Variants in GLIS3 observed in about 807,000 individuals in gnomAD.
GLIS3 encodes zinc finger protein GLIS3.
GLIS3 carries 53 observed loss-of-function variants against 78.6 expected under a neutral mutation model. The ratio of observed to expected loss-of-function variants is 0.67; its 90% CI spans 0.54 to 0.85. The LOEUF (loss-of-function observed/expected upper bound fraction) is 0.85. GLIS3 is among the 40% of genes least tolerant of loss of function. The pLI, the probability that GLIS3 is intolerant of heterozygous loss-of-function variation, is 0.00. For missense variants in GLIS3, 1,703 were observed against 1,231.1 expected, an observed-to-expected ratio of 1.38 and a Z score of -5.74; for synonymous variants, 684 against 509.9, an observed-to-expected ratio of 1.34 and a Z score of -4.60.
At chr9:4,442,995 G>C in the GLIS3 span, among the ~76,000 whole-genome samples, 1 of 152,144 alleles carries the variant, frequency 6.6e-6, no homozygotes, top group East Asian at 1.9e-4. Flanking sequence ...TGCTGGTCAA[G>C]CTGTCGAGTC....
intron 2 of GLIS3, among the ~76,000 whole-genome samples, chr9:4,326,780 G>A (rs1817606542): frequency 2.0e-5 from 3 of 152,170 alleles, no homozygotes; most frequent in South Asian, 2.1e-4. Flanking sequence ...GGAAACATAG[G>A]CTGGAAGTGC....
chr9:4,463,032 C>T, the GLIS3 span, among the ~76,000 whole-genome samples: 2 of 152,226 alleles, frequency 1.3e-5, no homozygotes, highest in South Asian at 4.1e-4. Flanking sequence ...TTTTTCTGTC[C>T]CACTGGAGAT....
intron 3 of GLIS3, chr9:4,309,056 G>C (rs796630666): frequency 2.6e-5 from 4 of 152,350 alleles, no homozygotes; most frequent in African/African-American, 7.2e-5. Context: ...GCTTAGAACA[G>C]TGGCTACCAC....
chr9:4,341,469 C>A (rs1055556047), intron 2 of GLIS3, among the ~76,000 whole-genome samples: 1 of 152,230 alleles, frequency 6.6e-6, no homozygotes, highest in African/African-American at 2.4e-5. Context: ...CATTCAAGGT[C>A]ACTGATCTCC....
chr9:3,882,042 C>G (rs1209528195), intron 7 of GLIS3, among the ~76,000 whole-genome samples: 1 of 152,182 alleles, frequency 6.6e-6, no homozygotes, highest in African/African-American at 2.4e-5. Flanking sequence ...GCAGAGTTAA[C>G]TGTGTTCTTT....
At chr9:4,358,706 G>A in the GLIS3 span, among the ~76,000 whole-genome samples, 5 of 152,162 alleles carry the variant, frequency 3.3e-5, no homozygotes, top group African/African-American at 1.2e-4. Context: ...AGAGGAATGG[G>A]CACACGTGTG....
chr9:4,166,180 C>G (rs1186650998), intron 2 of GLIS3, among the ~76,000 whole-genome samples: 1 of 152,148 alleles, frequency 6.6e-6, no homozygotes, highest in East Asian at 1.9e-4. Context: ...GACACAGTGT[C>G]GGGCTCATAT....
chr9:4,091,041 G>C (rs1433720120), intron 4 of GLIS3, among the ~76,000 whole-genome samples: 1 of 152,106 alleles, frequency 6.6e-6, no homozygotes, highest in South Asian at 2.1e-4. Context: ...TTAAGTTGTT[G>C]CAAGTAAAGT....
chr9:4,209,463 G>A (rs1357721249), intron 2 of GLIS3, among the ~76,000 whole-genome samples: 2 of 152,194 alleles, frequency 1.3e-5, no homozygotes, highest in Non-Finnish European at 2.9e-5. Flanking sequence ...CAGGTGGCAA[G>A]AGCCCATTTG....
At chr9:3,926,228 C>CTTT (rs1263149969) in intron 6 of GLIS3, among the ~76,000 whole-genome samples, 1 of 125,170 alleles carries the variant, frequency 8.0e-6, no homozygotes, top group African/African-American at 2.9e-5. Flanking sequence ...AATGCTTTTT[C>CTTT]TTTTGTTTTT....
intron 4 of GLIS3, among the ~76,000 whole-genome samples, chr9:3,956,348 G>A (rs7466983): frequency 2.0e-5 from 3 of 152,138 alleles, no homozygotes; most frequent in Non-Finnish European, 4.4e-5. Flanking sequence ...ACAACCAACC[G>A]CCATGAGTTT....
At chr9:4,423,498 C>A in the GLIS3 span, among the ~76,000 whole-genome samples, 2 of 152,102 alleles carry the variant, frequency 1.3e-5, no homozygotes, top group South Asian at 4.1e-4. Context: ...TGAAAAATGA[C>A]ACCAAAGCTC....
At chr9:3,971,103 G>A (rs1215931028) in intron 4 of GLIS3, among the ~76,000 whole-genome samples, 1 of 45,092 alleles carries the variant, frequency 2.2e-5, no homozygotes, top group Non-Finnish European at 5.2e-5. Context: ...TAGATCGAAG[G>A]AAGGAAGGAA....
intron 4 of GLIS3, among the ~76,000 whole-genome samples, chr9:4,078,733 G>A (rs1828289957): frequency 6.6e-6 from 1 of 152,180 alleles, no homozygotes; most frequent in Admixed American, 6.5e-5. Flanking sequence ...TTTCTAACAT[G>A]GCTATAAAAC....
intron 4 of GLIS3, among the ~76,000 whole-genome samples, chr9:4,028,599 C>G (rs1012695771): frequency 6.6e-6 from 1 of 152,110 alleles, no homozygotes; most frequent in Non-Finnish European, 1.5e-5. Flanking sequence ...GATCAAAAAA[C>G]AAAACAATAG....
chr9:4,382,962 T>C, the GLIS3 span, among the ~76,000 whole-genome samples: 2 of 152,238 alleles, frequency 1.3e-5, no homozygotes, highest in Non-Finnish European at 2.9e-5. Context: ...CTTACCTGGA[T>C]TCACCGATTC....
intron 4 of GLIS3, among the ~76,000 whole-genome samples, chr9:4,059,683 G>A (rs1350622966): frequency 6.6e-6 from 1 of 152,012 alleles, no homozygotes; most frequent in African/African-American, 2.4e-5. Context: ...TAGTTAAGTT[G>A]GGCTACTTTC....
At chr9:4,323,623 A>G (rs1013518410) in intron 2 of GLIS3, among the ~76,000 whole-genome samples, 6 of 152,192 alleles carry the variant, frequency 3.9e-5, no homozygotes, top group African/African-American at 1.2e-4. Flanking sequence ...CTTCATAACT[A>G]GGTCAGACCC....
At chr9:3,954,512 T>G (rs771284348) in intron 4 of GLIS3, among the ~76,000 whole-genome samples, 4 of 152,230 alleles carry the variant, frequency 2.6e-5, no homozygotes, top group Non-Finnish European at 4.4e-5. Context: ...GCAAAAGTAC[T>G]TGGATTTTAG....
Sources: gnomAD v4.1 joint callset for allele counts (sites outside exome capture counted in the v4.1 genomes callset) on GRCh38, gnomAD v4.1.1 for gene constraint, MANE v1.5 for transcripts, NCBI Gene and HGNC (gene_info 2026-07-23, HGNC 2026-07-21) for gene names.